Variants in USP12 observed in about 807,000 individuals in gnomAD.
The protein encoded by USP12 is ubiquitin specific peptidase 12.
A neutral mutation model predicts 45.5 loss-of-function variants in USP12; 19 were observed. The ratio of observed to expected loss-of-function variants is 0.42; its 90% confidence interval spans 0.29 to 0.61. The LOEUF (loss-of-function observed/expected upper bound fraction) is 0.61, where lower values mean the gene tolerates loss of function less well. Among genes scored for constraint, USP12 ranks in the 20% least tolerant of loss-of-function variants. USP12 has a pLI of 0.22. For synonymous variants in USP12, 149 were observed against 148.8 expected (o/e 1.00, Z -0.01); for missense variants, 242 against 447.7 (o/e 0.54, Z 4.15).
At chr13:27,136,367 G>A (rs796510986) in intron 1 of USP12, among the ~76,000 whole-genome samples, 25 of 152,216 alleles carry the variant, frequency 1.6e-4, no homozygotes, top group African/African-American at 4.8e-4. Flanking sequence ...GCATGGTGGC[G>A]CATGCCTGTA....
chr13:27,128,553 G>GT (rs1427589704), intron 1 of USP12, among the ~76,000 whole-genome samples: 1 of 152,194 alleles, frequency 6.6e-6, no homozygotes, highest in Admixed American at 6.5e-5. Flanking sequence ...GGCAAGATGT[G>GT]TTTTTTCAGC....
At chr13:27,088,213 G>A (rs1416089124) in intron 6 of USP12, among the ~76,000 whole-genome samples, 3 of 152,176 alleles carry the variant, frequency 2.0e-5, no homozygotes, top group Non-Finnish European at 4.4e-5. Context: ...GATGTCAGGA[G>A]ATCAAGACCA....
At chr13:27,082,862 T>C (rs1038110938) in intron 6 of USP12, among the ~76,000 whole-genome samples, 11 of 152,110 alleles carry the variant, frequency 7.2e-5, no homozygotes, top group Non-Finnish European at 1.2e-4. Context: ...TGAGACAGAG[T>C]TTCACTCTTG....
Position 27,068,973 on chromosome 13 carries a change from TG to T in USP12, c.*309del. 1 of 377,138 alleles carries T rather than the reference TG, an allele frequency of 2.7e-6. No individual in the cohort carries two copies. The highest frequency in any genetic ancestry group is 5.9e-5 in the East Asian group (1 of 16,874). 23.4% of individuals were successfully genotyped at this position (377,138 alleles called of 1,614,324 possible). A position where few individuals can be genotyped will look rare whatever the true frequency, so the allele number is the denominator to read the frequency against. On this transcript the variant is annotated 3_prime_UTR_variant, in exon 9 of 9. Coordinates refer to ENST00000282344, the MANE Select transcript of USP12 (RefSeq NM_182488.4). ...ACCCCCAAGGAATTCAAAGCATTAT[TG>T]GTGCAATTAATAAAGAGAAAATGCG...
chr13:27,103,412 TA>T lies in USP12; in HGVS notation c.343+2318del, dbSNP rs143113553. ...TCAAATAATAAAAATGCTTTTCTAT[TA>T]AAAAAATGGCTTTTCTATTAAGCAT... On this transcript the variant is annotated intron_variant, in intron 3 of 8. Coordinates refer to ENST00000282344, the MANE Select transcript of USP12 (RefSeq NM_182488.4). 5.5e-3 allele frequency among the ~76,000 whole-genome samples: 838 copies of T among 151,910 alleles called. 7 individuals carry two copies. The highest frequency in any genetic ancestry group is 0.019 in the African/African-American group (799 of 41,436).
At chr13:27,105,177 T>G (rs1313449927) in intron 3 of USP12, among the ~76,000 whole-genome samples, 1 of 152,192 alleles carries the variant, frequency 6.6e-6, no homozygotes, top group Non-Finnish European at 1.5e-5. Flanking sequence ...AGGTGGGGCT[T>G]ACTCAGTAAC....
At chr13:27,088,139 G>A (rs942964462) in intron 6 of USP12, among the ~76,000 whole-genome samples, 1 of 152,198 alleles carries the variant, frequency 6.6e-6, no homozygotes, top group Non-Finnish European at 1.5e-5. Context: ...GCCTGCTTGC[G>A]GCCGGGCGCA....
chr13:27,155,229 G>T (rs754761802), intron 1 of USP12, among the ~76,000 whole-genome samples: 4 of 151,460 alleles, frequency 2.6e-5, no homozygotes, highest in East Asian at 1.9e-4. Context: ...CTACAGGCGC[G>T]TGCCACCATG....
In USP12 at chr13:27,067,023, A is replaced by G. The variant is rs1809615288; in HGVS notation, c.*2260T>C. ...CACAATCCCTCCCCTGACAAATCAT[A>G]CTATGAAGTACGGTGTAGATGTGAA... On this transcript the variant is annotated 3_prime_UTR_variant, in exon 9 of 9. Transcript: ENST00000282344. 3 of 152,200 alleles carry G rather than the reference A, an allele frequency of 2.0e-5. No individual in the cohort carries two copies. In the South Asian group the frequency reaches 6.2e-4, roughly 32 times the overall value. 9.4% of individuals were successfully genotyped at this position (152,200 alleles called of 1,614,324 possible). A position where few individuals can be genotyped will look rare whatever the true frequency, so the allele number is the denominator to read the frequency against.
At chr13:27,136,458 A>C (rs1172963983) in intron 1 of USP12, among the ~76,000 whole-genome samples, 7 of 152,252 alleles carry the variant, frequency 4.6e-5, no homozygotes, top group Non-Finnish European at 8.8e-5. Flanking sequence ...AGATCATGCC[A>C]CTGCACTCCA....
Position 27,069,128 on chromosome 13 carries a change from G to A in USP12, c.*155C>T. On this transcript the variant is annotated 3_prime_UTR_variant, in exon 9 of 9. Coordinates refer to ENST00000282344, the MANE Select transcript of USP12 (RefSeq NM_182488.4). Reference sequence around the variant, plus strand: ...TCAACTACCATGATCGGAAGGGCTTGTCAATCCATCGTCTTTGCTTTATCG... The same window carrying A: ...TCAACTACCATGATCGGAAGGGCTTATCAATCCATCGTCTTTGCTTTATCG... 1 of 663,718 alleles carries A rather than the reference G, an allele frequency of 1.5e-6. No individual in the cohort carries two copies. Among genetic ancestry groups the A allele is most frequent in the South Asian group, 1.7e-5 (1 of 59,450 alleles). 41.1% of individuals were successfully genotyped at this position (663,718 alleles called of 1,614,324 possible).
At chr13:27,115,676 C>A (rs1042632849) in intron 2 of USP12, among the ~76,000 whole-genome samples, 5 of 152,186 alleles carry the variant, frequency 3.3e-5, no homozygotes, top group African/African-American at 1.2e-4. Flanking sequence ...GGTAAAACTT[C>A]TCAAATTTTC....
At chr13:27,150,053 A>G (rs1490565664) in intron 1 of USP12, among the ~76,000 whole-genome samples, 7 of 152,224 alleles carry the variant, frequency 4.6e-5, no homozygotes, top group African/African-American at 1.7e-4. Flanking sequence ...AATTAACAAC[A>G]ATTTATTGTA....
chr13:27,084,197 CA>C, intron 6 of USP12, among the ~76,000 whole-genome samples: 1 of 151,578 alleles, frequency 6.6e-6, no homozygotes, highest in East Asian at 1.9e-4. Flanking sequence ...CACACACACA[CA>C]CACACACACA....
At chr13:27,116,705 G>C (rs947332858) in intron 1 of USP12, 109 bp from the exon 2 acceptor site, 6 of 953,304 alleles carry the variant, frequency 6.3e-6, no homozygotes, top group Middle Eastern at 6.7e-4. Flanking sequence ...CATTACGATG[G>C]AGCTGCCCTA....
rs139373871 is a variant in USP12, at chr13:27,072,133, C to T, written c.933-984G>A. On this transcript the variant is annotated intron_variant, in intron 7 of 8. Coordinates refer to ENST00000282344, the MANE Select transcript of USP12 (RefSeq NM_182488.4). The stretch of plus-strand genomic sequence containing the variant: ...TTTTTTTTAACTATGGAGGATGACA[C>T]ATCAAAACTTTTTCTTAAAAAAGCA... Among the ~76,000 whole-genome samples, 84 of 151,674 alleles carry T rather than the reference C, an allele frequency of 5.5e-4. 1 individual carries two copies. The highest frequency in any genetic ancestry group is 3.3e-3 in the South Asian group (16 of 4,806).
intron 3 of USP12, among the ~76,000 whole-genome samples, chr13:27,105,140 T>C (rs983532673): frequency 6.6e-6 from 1 of 152,174 alleles, no homozygotes; most frequent in Non-Finnish European, 1.5e-5. Context: ...GAAAATTAAA[T>C]GAACAATATT....
At chr13:27,167,320 C>G (rs983157139) in intron 1 of USP12, among the ~76,000 whole-genome samples, 2 of 151,844 alleles carry the variant, frequency 1.3e-5, no homozygotes, top group Admixed American at 1.3e-4. Context: ...AAAAATTGAC[C>G]TTCCTTTTGC....
chr13:27,092,739 A>C (rs543262594), intron 4 of USP12, among the ~76,000 whole-genome samples: 2 of 152,222 alleles, frequency 1.3e-5, no homozygotes, highest in Non-Finnish European at 2.9e-5. Context: ...CATAGACTTA[A>C]ATATAAAATG....
Sources: gnomAD v4.1 joint callset for allele counts (sites outside exome capture counted in the v4.1 genomes callset) on GRCh38, gnomAD v4.1.1 for gene constraint, MANE v1.5 for transcripts, NCBI Gene and HGNC (gene_info 2026-07-23, HGNC 2026-07-21) for gene names.